MTNR1B: variants seen among roughly 807,000 people sequenced by gnomAD.
MTNR1B encodes melatonin receptor 1B.
MTNR1B carries 7 observed loss-of-function variants against 7.0 expected under a neutral mutation model. The ratio of observed to expected loss-of-function variants is 1.00; its 90% CI spans 0.57 to 1.88. The LOEUF is 1.88. MTNR1B is among the 40% of genes most tolerant of loss of function. MTNR1B has a pLI of 0.00. For missense variants in MTNR1B, 478 were observed against 486.5 expected (o/e 0.98, Z 0.16); for synonymous variants, 226 against 208.2 (o/e 1.09, Z -0.74).
intron 1 of MTNR1B, among the ~76,000 whole-genome samples, chr11:92,977,210 C>G (rs1282586063): frequency 6.6e-6 from 1 of 152,086 alleles, no homozygotes; most frequent in East Asian, 1.9e-4. Flanking sequence ...CTAATTAAAT[C>G]AAAGTTAGAT....
At chr11:92,970,822 G>GCAAATT (rs1441616101) in intron 1 of MTNR1B, among the ~76,000 whole-genome samples, 1 of 152,160 alleles carries the variant, frequency 6.6e-6, no homozygotes, top group African/African-American at 2.4e-5. Flanking sequence ...GGCCTTGGGA[G>GCAAATT]CAAATTCAAA....
Position 92,981,739 on chromosome 11 carries a change from G to A in MTNR1B, c.516G>A (p.Leu172=). 4 of 1,614,190 alleles carry A rather than the reference G, an allele frequency of 2.5e-6. No homozygotes were observed. The highest frequency in any genetic ancestry group is 3.4e-6 in the Non-Finnish European group (4 of 1,180,036). Residue 172 remains leucine (L), a synonymous_variant, in exon 2 of 2, where the codon TTG becomes TTA. Coordinates refer to ENST00000257068, the MANE Select transcript of MTNR1B (RefSeq NM_005959.5). The stretch of plus-strand genomic sequence containing the variant: ...TCTGGCTCCTCACCGTGGTGGCCTT[G>A]CTGCCCAACTTCTTTGTGGGGTCCC... The part of the protein sequence containing the change: ...CLIWLLTVVA[L]LPNFFVGSLE...
chr11:92,979,028 T>C (rs184555175), intron 1 of MTNR1B, among the ~76,000 whole-genome samples: 4 of 152,252 alleles, frequency 2.6e-5, no homozygotes, highest in Admixed American at 2.0e-4. Flanking sequence ...AGTGATTCTC[T>C]TCACAGAACC....
At chr11:92,979,791 A>G (rs1591906307) in intron 1 of MTNR1B, among the ~76,000 whole-genome samples, 1 of 152,202 alleles carries the variant, frequency 6.6e-6, no homozygotes, top group Non-Finnish European at 1.5e-5. Flanking sequence ...TAGGCCCTTC[A>G]TGAAGGCTTC....
chr11:92,979,207 C>T (rs1239845586), intron 1 of MTNR1B, among the ~76,000 whole-genome samples: 1 of 152,166 alleles, frequency 6.6e-6, no homozygotes, highest in Non-Finnish European at 1.5e-5. Flanking sequence ...CAGCACAACC[C>T]TCCAGATTTC....
intron 1 of MTNR1B, among the ~76,000 whole-genome samples, chr11:92,977,170 G>A (rs1184975704): frequency 6.6e-6 from 1 of 152,070 alleles, no homozygotes; most frequent in Non-Finnish European, 1.5e-5. Context: ...ATATATCTGT[G>A]TACACTATTG....
intron 1 of MTNR1B, among the ~76,000 whole-genome samples, chr11:92,971,896 C>T (rs1303635249): frequency 6.6e-6 from 1 of 152,130 alleles, no homozygotes; most frequent in Admixed American, 6.6e-5. Context: ...TTCCTACCTC[C>T]TGATGTGTCC....
intron 1 of MTNR1B, among the ~76,000 whole-genome samples, chr11:92,974,347 C>T (rs1402678263): frequency 6.6e-6 from 1 of 152,242 alleles, no homozygotes; most frequent in Non-Finnish European, 1.5e-5. Context: ...CCACATAAGA[C>T]ATGACTTGCT....
chr11:92,980,215 C>T (rs1858077039), intron 1 of MTNR1B, among the ~76,000 whole-genome samples: 1 of 152,096 alleles, frequency 6.6e-6, no homozygotes. Flanking sequence ...ATTCCGCCAC[C>T]CTAAGGCTGG....
In MTNR1B at chr11:92,981,794, A is replaced by G; in HGVS notation, c.571A>G (p.Thr191Ala). 1 of 1,614,052 alleles carries G rather than the reference A, an allele frequency of 6.2e-7. No individual in the cohort carries two copies. Among genetic ancestry groups the G allele is most frequent in the South Asian group, 1.1e-5 (1 of 91,068 alleles). ...LEYDPRIYSC[T>A]FIQTASTQYT... is the part of the protein sequence containing the mutation. ...GTACGACCCACGCATCTATTCCTGC[A>G]CCTTCATCCAGACCGCCAGCACCCA... Residue 191 changes from threonine (T) to alanine (A), a missense_variant, in exon 2 of 2, where the codon ACC (threonine) becomes GCC (alanine). By Grantham distance (58) the Thr-to-Ala change is moderately conservative (BLOSUM62 0). Coordinates refer to ENST00000257068, the MANE Select transcript of MTNR1B (RefSeq NM_005959.5).
At chr11:92,983,247 C>A (rs1419271369), downstream of MTNR1B, among the ~76,000 whole-genome samples, 2 of 152,102 alleles carry the variant, frequency 1.3e-5, no homozygotes, top group Non-Finnish European at 2.9e-5. Context: ...GGAGAAAAGT[C>A]ATATACAAAG....
rs1858118770 is a variant in MTNR1B at position 92,982,057 on chromosome 11, C to T, written c.834C>T (p.Pro278=). ...NCIGLAVAIN[P]QEMAPQIPEG... ...TCGGCCTCGCTGTGGCCATCAACCCCCAAGAAATGGCTCCCCAGATCCCTG... is the reference window on the plus strand; with the variant it reads ...TCGGCCTCGCTGTGGCCATCAACCCTCAAGAAATGGCTCCCCAGATCCCTG... The change falls in exon 2 of 2, where the codon CCC becomes CCT. Residue 278 remains proline, a synonymous_variant. Coordinates refer to ENST00000257068, the MANE Select transcript of MTNR1B (RefSeq NM_005959.5). The T allele has an allele frequency of 6.2e-7, 1 of 1,614,122 alleles. No individual in the cohort carries two copies. The highest frequency in any genetic ancestry group is 1.7e-5 in the Admixed American group (1 of 60,012).
chr11:92,981,643 C>T lies in MTNR1B; in HGVS notation c.420C>T (p.Cys140=), dbSNP rs773958743. Residue 140 remains cysteine (C), a synonymous_variant, in exon 2 of 2, where the codon TGC becomes TGT. Coordinates refer to ENST00000257068, the MANE Select transcript of MTNR1B (RefSeq NM_005959.5). ...NITAIAINRY[C]YICHSMAYHR... ...CTGCCATCGCCATTAACCGCTACTG[C>T]TACATCTGCCACAGCATGGCCTACC... 6.2e-7 allele frequency: 1 copy of T among 1,614,224 alleles called. No individual in the cohort carries two copies. Among genetic ancestry groups the T allele is most frequent in the Non-Finnish European group, 8.5e-7 (1 of 1,180,038 alleles).
chr11:92,982,623 A>C lies in MTNR1B; in HGVS notation c.*311A>C. The C allele has an allele frequency of 5.6e-6, 2 of 356,140 alleles. No individual in the cohort carries two copies. The highest frequency in any genetic ancestry group is 5.1e-6 in the Non-Finnish European group (1 of 196,108). The allele number at this position is 356,140 out of a possible 1,614,324, so 22.1% of individuals were successfully genotyped here. Reference sequence around the variant, plus strand: ...GGGCAGAAGAGCCCAACTCCTTCTCATAGCTGACCCTCATCCTCCTGCCTT... The same window carrying C: ...GGGCAGAAGAGCCCAACTCCTTCTCCTAGCTGACCCTCATCCTCCTGCCTT... On this transcript the variant is annotated 3_prime_UTR_variant, in exon 2 of 2. Coordinates refer to ENST00000257068, the MANE Select transcript of MTNR1B (RefSeq NM_005959.5).
At chr11:92,970,131 C>T (rs1857901976) in intron 1 of MTNR1B, among the ~76,000 whole-genome samples, 183 bp downstream of exon 1, 1 of 152,192 alleles carries the variant, frequency 6.6e-6, no homozygotes, top group South Asian at 2.1e-4. Flanking sequence ...TTTGCCCCTC[C>T]GAAGTGCGGC....
At chr11:92,984,567 A>T (rs1167171216), downstream of MTNR1B, among the ~76,000 whole-genome samples, 2 of 152,158 alleles carry the variant, frequency 1.3e-5, no homozygotes, top group African/African-American at 4.8e-5. Flanking sequence ...GACACAAACT[A>T]CAGAGATTTG....
chr11:92,982,637 TCCTCC>T lies in MTNR1B; in HGVS notation c.*326_*330del, dbSNP rs1272227433. The T allele has an allele frequency of 2.9e-5, 9 of 315,632 alleles. No individual in the cohort carries two copies. The highest frequency in any genetic ancestry group is 5.2e-5 in the Non-Finnish European group (9 of 171,722). The allele number at this position is 315,632 out of a possible 1,614,324, so 19.6% of individuals were successfully genotyped here. On this transcript the variant is annotated 3_prime_UTR_variant, in exon 2 of 2. Coordinates refer to ENST00000257068, the MANE Select transcript of MTNR1B (RefSeq NM_005959.5). ...AACTCCTTCTCATAGCTGACCCTCATCCTCCTGCCTTGGCCTCCTGGCTGCTTTCT... is the reference window on the plus strand; with the variant it reads ...AACTCCTTCTCATAGCTGACCCTCATTGCCTTGGCCTCCTGGCTGCTTTCT...
downstream of MTNR1B, among the ~76,000 whole-genome samples, chr11:92,983,834 A>G (rs940874019): frequency 2.6e-5 from 4 of 152,192 alleles, no homozygotes; most frequent in African/African-American, 9.7e-5. Flanking sequence ...TGTACCAGGC[A>G]TTGTGGTAAG....
In MTNR1B at chr11:92,982,658, G is replaced by T; in HGVS notation, c.*346G>T. 3.5e-6 allele frequency: 1 copy of T among 288,414 alleles called. No homozygotes were observed. Among genetic ancestry groups the T allele is most frequent in the Non-Finnish European group, 6.5e-6 (1 of 154,896 alleles). The allele number at this position is 288,414 out of a possible 1,614,324, so 17.9% of individuals were successfully genotyped here. On this transcript the variant is annotated 3_prime_UTR_variant, in exon 2 of 2. Transcript: ENST00000257068. ...CTCATCCTCCTGCCTTGGCCTCCTG[G>T]CTGCTTTCTCCCCTTCCCCCCAGCG...
Sources: allele counts gnomAD v4.1 joint callset (sites outside exome capture counted in the v4.1 genomes callset), GRCh38; gene constraint gnomAD v4.1.1; transcripts MANE v1.5; gene names NCBI Gene and HGNC (gene_info 2026-07-23, HGNC 2026-07-21).